TRIM9: variants seen among roughly 807,000 people sequenced by gnomAD.
The protein encoded by TRIM9 is E3 ubiquitin-protein ligase TRIM9.
TRIM9 carries 26 observed loss-of-function variants against 78.3 expected under a neutral mutation model. The observed-to-expected ratio is 0.33, with a 90% CI of 0.24 to 0.46. TRIM9 has a LOEUF of 0.46. TRIM9 is among the 20% of genes least tolerant of loss of function. The pLI is 1.00. For missense variants in TRIM9, 787 were observed against 1,036.4 expected, an observed-to-expected ratio of 0.76 and a Z score of 3.30; for synonymous variants, 398 against 416.5, an observed-to-expected ratio of 0.96 and a Z score of 0.54.
chr14:51,011,024 G>A (rs2056507491), intron 3 of TRIM9, among the ~76,000 whole-genome samples: 1 of 152,090 alleles, frequency 6.6e-6, no homozygotes, highest in African/African-American at 2.4e-5. Context: ...TTTTCCTTGC[G>A]TGGATGGTGG....
At chr14:50,983,265 G>T in intron 9 of TRIM9, 115 bp downstream of exon 9, 1 of 894,204 alleles carries the variant, frequency 1.1e-6, no homozygotes, top group Non-Finnish European at 1.7e-6. Context: ...AATAGGGTTA[G>T]AATGACAATT....
At chr14:50,982,201 T>G (rs1217157025) in intron 10 of TRIM9, 98 bp from the exon 11 acceptor site, 1 of 1,427,586 alleles carries the variant, frequency 7.0e-7, no homozygotes, top group East Asian at 2.5e-5. Flanking sequence ...GTGTAGCGTT[T>G]TCATGCTGCC....
intron 1 of TRIM9, among the ~76,000 whole-genome samples, chr14:51,027,584 C>G (rs2058366444): frequency 6.6e-6 from 1 of 152,170 alleles, no homozygotes; most frequent in Non-Finnish European, 1.5e-5. Context: ...TGTATTTAGG[C>G]TCCAAGAGGC....
intron 12 of TRIM9, among the ~76,000 whole-genome samples, chr14:50,978,207 CA>C (rs2051315807): frequency 6.6e-6 from 1 of 152,176 alleles, no homozygotes; most frequent in Non-Finnish European, 1.5e-5. Context: ...TGAAACACAA[CA>C]ATGAATTTTG....
intron 10 of TRIM9, chr14:50,982,440 G>C: frequency 2.6e-6 from 1 of 378,750 alleles, no homozygotes; most frequent in Non-Finnish European, 4.9e-6. Context: ...CATAAAGGGA[G>C]AGGGGATGCG....
intron 1 of TRIM9, among the ~76,000 whole-genome samples, chr14:51,052,075 G>A (rs902031902): frequency 1.1e-4 from 16 of 151,540 alleles, no homozygotes; most frequent in East Asian, 3.9e-4. Context: ...GAGAAGAGAA[G>A]AGAGAAAAGA....
intron 7 of TRIM9, among the ~76,000 whole-genome samples, chr14:50,995,750 C>T (rs1255678955): frequency 2.0e-5 from 3 of 151,878 alleles, no homozygotes; most frequent in African/African-American, 7.3e-5. Flanking sequence ...ACGCACCACC[C>T]CACCACCCCC....
At chr14:51,082,907 C>T (rs1031019332) in intron 1 of TRIM9, among the ~76,000 whole-genome samples, 1 of 152,156 alleles carries the variant, frequency 6.6e-6, no homozygotes, top group Non-Finnish European at 1.5e-5. Flanking sequence ...GCACAGAATA[C>T]AGAGTCTGGC....
intron 7 of TRIM9, among the ~76,000 whole-genome samples, chr14:50,992,011 G>A (rs547841979): frequency 3.3e-5 from 5 of 152,204 alleles, no homozygotes; most frequent in Admixed American, 3.3e-4. Context: ...GGGGACCAAG[G>A]TTTGTGTAGA....
At position 50,977,065 on chromosome 14, in the gene TRIM9, G is replaced by T. The variant is rs1282388678; in HGVS notation, c.*226C>A. 2.2e-5 allele frequency: 8 copies of T among 366,942 alleles called. No individual in the cohort carries two copies. The highest frequency in any genetic ancestry group is 4.2e-5 in the African/African-American group (2 of 47,928). 22.7% of individuals were successfully genotyped at this position (366,942 alleles called of 1,614,324 possible). Reference sequence around the variant, plus strand: ...TGGTGGGCTGTCTAGGTCCTTTGTTGGTTAGAATTGTTGGACATGGAAGCG... The same window carrying T: ...TGGTGGGCTGTCTAGGTCCTTTGTTTGTTAGAATTGTTGGACATGGAAGCG... On this transcript the variant is annotated 3_prime_UTR_variant, in exon 13 of 13. Transcript: ENST00000684578.
rs145260071 is a variant in TRIM9, at chr14:51,054,017, T to C, written c.823-28657A>G. Among the ~76,000 whole-genome samples the C allele has an allele frequency of 4.7e-4, 72 of 152,350 alleles. No individual in the cohort carries two copies. The East Asian group carries it at 0.013, about 27-fold the overall frequency. ...GAGTGGCCAACATTAACTTTTAAAA[T>C]TGATTATCTTAAAACTTAGTAATTG... is the stretch of plus-strand genomic sequence containing the variant. On this transcript the variant is annotated intron_variant, in intron 1 of 12. Transcript: ENST00000684578.
chr14:51,094,047 G>C (rs1256810399), intron 1 of TRIM9, 71 bp downstream of exon 1: 4 of 1,484,162 alleles, frequency 2.7e-6, no homozygotes, highest in Non-Finnish European at 3.7e-6. Flanking sequence ...CGCAAGAGAC[G>C]GGGACCGTCT....
intron 1 of TRIM9, among the ~76,000 whole-genome samples, chr14:51,071,375 T>TG (rs2062233370): frequency 2.1e-5 from 1 of 48,510 alleles, no homozygotes; most frequent in Non-Finnish European, 4.1e-5. Context: ...AAACTCCGTC[T>TG]AAAAAAAAAA....
intron 1 of TRIM9, 71 bp downstream of exon 1, chr14:51,094,046 CG>C: frequency 1.4e-6 from 2 of 1,479,186 alleles, no homozygotes; most frequent in Non-Finnish European, 1.8e-6. Flanking sequence ...GCGCAAGAGA[CG>C]GGGACCGTCT....
intron 5 of TRIM9, among the ~76,000 whole-genome samples, chr14:51,002,730 A>C (rs2055239399): frequency 1.3e-5 from 2 of 152,224 alleles, no homozygotes; most frequent in Non-Finnish European, 2.9e-5. Context: ...AGAAAACAAA[A>C]GCAGTGACTG....
chr14:50,982,450 G>A (rs1232253555), intron 10 of TRIM9: 3 of 366,534 alleles, frequency 8.2e-6, no homozygotes, highest in Admixed American at 7.7e-5. Flanking sequence ...GAGGGGATGC[G>A]CTAAGATGCC....
intron 1 of TRIM9, chr14:51,091,133 A>G (rs994398604): frequency 6.6e-6 from 1 of 151,716 alleles, no homozygotes; most frequent in African/African-American, 2.4e-5. Flanking sequence ...TAAGACCATT[A>G]TTATTATTAT....
At chr14:51,023,939 C>A (rs531178052) in intron 2 of TRIM9, among the ~76,000 whole-genome samples, 2 of 152,274 alleles carry the variant, frequency 1.3e-5, no homozygotes, top group South Asian at 4.1e-4. Flanking sequence ...TCATAAAGAA[C>A]TGTGTCTTTT....
At chr14:51,052,503 A>G (rs77551045) in intron 1 of TRIM9, among the ~76,000 whole-genome samples, 5,908 of 152,236 alleles carry the variant, frequency 0.039, 383 homozygotes, top group African/African-American at 0.13. Context: ...CATTTAATTT[A>G]TGTTTAATCC....
Sources: gnomAD v4.1 joint callset for allele counts (sites outside exome capture counted in the v4.1 genomes callset) on GRCh38, gnomAD v4.1.1 for gene constraint, MANE v1.5 for transcripts, NCBI Gene and HGNC (gene_info 2026-07-23, HGNC 2026-07-21) for gene names.